The following CACNA1G variants were observed in gnomAD, a reference collection of about 807,000 sequenced individuals.
The protein encoded by CACNA1G is calcium voltage-gated channel subunit alpha1 G.
Under a neutral mutation model 219.4 loss-of-function variants are expected in CACNA1G, and 67 were observed. The ratio of observed to expected loss-of-function variants is 0.31; its 90% CI spans 0.25 to 0.37. The LOEUF is 0.37. Ranked by LOEUF, CACNA1G falls within the 10% of genes least tolerant of loss-of-function variation. CACNA1G has a pLI of 1.00. For synonymous variants in CACNA1G, 1,296 were observed against 1,345.3 expected, an observed-to-expected ratio of 0.96 and a Z score of 0.80; for missense variants, 2,380 against 3,231.4, an observed-to-expected ratio of 0.74 and a Z score of 6.39.
Position 50,596,410 on chromosome 17 carries a change from G to A in CACNA1G, c.2980-152G>A, listed in dbSNP as rs578013558. ...GGAAGCCTCGGGCCCCAAGCCTGGG[G>A]GGTCTGGCCTGCGCCGTGCATGTCT... On this transcript the variant is annotated intron_variant, in intron 14 of 37. Coordinates refer to ENST00000359106, the MANE Select transcript of CACNA1G (RefSeq NM_018896.5). The surrounding 1 kb of genome is among the most constrained non-coding windows in gnomAD (Gnocchi z 4.8). 6.6e-6 allele frequency among the ~76,000 whole-genome samples: 1 copy of A among 152,278 alleles called. No homozygotes were observed. The highest frequency in any genetic ancestry group is 1.9e-4 in the East Asian group (1 of 5,176).
Position 50,607,845 on chromosome 17 carries a change from C to T in CACNA1G, c.4531C>T (p.Pro1511Ser), listed in dbSNP as rs763758289. Residue 1511 changes from proline to serine, a missense_variant, in exon 25 of 38, where the codon CCC (proline) becomes TCC (serine). Physicochemically the swap from Pro to Ser is moderately conservative, Grantham distance 74. Coordinates refer to ENST00000359106, the MANE Select transcript of CACNA1G (RefSeq NM_018896.5). ...CCGCCAGCCCATCATGAACCACAAC[C>T]CCTGGATGCTGCTGTACTTCATCTC... ...VDQQPIMNHN[P>S]WMLLYFISFL... The T allele has an allele frequency of 1.9e-6, 3 of 1,613,858 alleles. No homozygotes were observed. The highest frequency in any genetic ancestry group is 2.5e-6 in the Non-Finnish European group (3 of 1,179,880).
rs201569320 is a variant in CACNA1G, at chr17:50,578,283, G to T, written c.2020G>T (p.Gly674Trp). The T allele has an allele frequency of 1.9e-6, 3 of 1,613,028 alleles. No individual in the cohort carries two copies. Among genetic ancestry groups the T allele is most frequent in the Non-Finnish European group, 1.7e-6 (2 of 1,179,792 alleles). Residue 674 changes from glycine to tryptophan, a missense_variant, in exon 9 of 38, where the codon GGG (glycine) becomes TGG (tryptophan). By Grantham distance (184) the Gly-to-Trp change is radical. Transcript: ENST00000359106. The surrounding 1 kb of genome is among the most constrained non-coding windows in gnomAD (Gnocchi z 4.5). The stretch of plus-strand genomic sequence containing the variant: ...CAGCTGCCCCTACTGTGCCCGGGCC[G>T]GGGCAGGGGAGGTGGAGCTCGCCGA... ...PDSCPYCARA[G>W]AGEVELADRE... is the part of the protein sequence containing the mutation.
At chr17:50,576,441 C>A in intron 8 of CACNA1G, 115 bp downstream of exon 8, 1 of 1,036,736 alleles carries the variant, frequency 9.6e-7, no homozygotes, top group Non-Finnish European at 1.4e-6. Context: ...CTCATGCTGC[C>A]TCTCATGGCT....
At position 50,626,870 on chromosome 17, in the gene CACNA1G, C is replaced by G; in HGVS notation, c.*119C>G. ...ACACCAAGGAGGCGGAGGCGCTCCTCCCTGCCTCAGTGGCTCTGGGTACCT... is the reference window on the plus strand; with the variant it reads ...ACACCAAGGAGGCGGAGGCGCTCCTGCCTGCCTCAGTGGCTCTGGGTACCT... On this transcript the variant is annotated 3_prime_UTR_variant, in exon 38 of 38. Transcript: ENST00000359106. This position sits in a 1 kb window ranked among gnomAD's most constrained non-coding sequence, Gnocchi z 4.3. 2 of 1,313,038 alleles carry G rather than the reference C, an allele frequency of 1.5e-6. No homozygotes were observed. The highest frequency in any genetic ancestry group is 2.2e-6 in the Non-Finnish European group (2 of 910,574). 81.3% of individuals were successfully genotyped at this position (1,313,038 alleles called of 1,614,324 possible). A position where few individuals can be genotyped will look rare whatever the true frequency, so the allele number is the denominator to read the frequency against.
Position 50,618,130 on chromosome 17 carries a change from A to G in CACNA1G, c.5305+4A>G, listed in dbSNP as rs760901177. The G allele has an allele frequency of 3.1e-6, 5 of 1,613,634 alleles. No homozygotes were observed. The highest frequency in any genetic ancestry group is 4.2e-6 in the Non-Finnish European group (5 of 1,179,772). Reference sequence around the variant, plus strand: ...GTGGAGCTCTTTGGAGACCTGGGTGAGTTGGGGTAGGGGAGGGTGGAGGAG... The same window carrying G: ...GTGGAGCTCTTTGGAGACCTGGGTGGGTTGGGGTAGGGGAGGGTGGAGGAG... On this transcript the variant is annotated splice_donor_region_variant and intron_variant, in intron 31 of 37. Transcript: ENST00000359106. This position sits in a 1 kb window ranked among gnomAD's most constrained non-coding sequence, Gnocchi z 5.3.
chr17:50,592,145 T>C lies in CACNA1G; in HGVS notation c.2910+53T>C, dbSNP rs919743089. The C allele has an allele frequency of 2.7e-5, 42 of 1,547,186 alleles. No individual in the cohort carries two copies. The African/African-American group carries it at 3.3e-4, about 12-fold the overall frequency. On this transcript the variant is annotated intron_variant, in intron 13 of 37. Transcript: ENST00000359106. ...CTGCCCACAGCAGTCCCACTTCCAA[T>C]TGGCTGCCTGTCTTGAGCCTCCTCC...
intron 16 of CACNA1G, among the ~76,000 whole-genome samples, chr17:50,599,120 C>T (rs2046119770): frequency 1.3e-5 from 2 of 152,192 alleles, no homozygotes; most frequent in Admixed American, 6.5e-5. Flanking sequence ...TTCTTCACCC[C>T]ATTATATATA....
At chr17:50,580,267 G>A (rs945742063) in intron 9 of CACNA1G, among the ~76,000 whole-genome samples, 2 of 152,172 alleles carry the variant, frequency 1.3e-5, no homozygotes, top group Non-Finnish European at 2.9e-5. Flanking sequence ...TGGTGGCAGT[G>A]GGGGGTGGGC....
At chr17:50,608,061 T>A in intron 25 of CACNA1G, 42 bp downstream of exon 25, 1 of 1,550,390 alleles carries the variant, frequency 6.4e-7, no homozygotes, top group Non-Finnish European at 8.8e-7. Flanking sequence ...TTTCCACCTC[T>A]CTCTGGGTCG....
In CACNA1G at chr17:50,617,791, C is replaced by T; in HGVS notation, c.5156-68C>T. 1 of 1,571,714 alleles carries T rather than the reference C, an allele frequency of 6.4e-7. No homozygotes were observed. Among genetic ancestry groups the T allele is most frequent in the Non-Finnish European group, 8.7e-7 (1 of 1,148,220 alleles). ...CCAGCAGCCCCAGCCCAGCCCTGGT[C>T]CTGACTCTGCCAGCTGTCTGGCCGG... On this transcript the variant is annotated intron_variant, in intron 29 of 37. Coordinates refer to ENST00000359106, the MANE Select transcript of CACNA1G (RefSeq NM_018896.5). This position sits in a 1 kb window ranked among gnomAD's most constrained non-coding sequence, Gnocchi z 5.8.
Position 50,575,971 on chromosome 17 carries a change from C to G in CACNA1G, c.1569C>G (p.Asp523Glu), listed in dbSNP as rs1290398685. ...CCCGGGCCAGCCCGGAGATCCAGGA[C>G]AGGGATGCCAATGGGTCCCGCCGGC... is the stretch of plus-strand genomic sequence containing the variant. The part of the protein sequence containing the change: ...RAPRASPEIQ[D>E]RDANGSRRLM... The change falls in exon 8 of 38, where the codon GAC becomes GAG. Residue 523 changes from aspartate (D) to glutamate (E), a missense_variant. Physicochemically the swap from Asp to Glu is conservative, Grantham distance 45. This residue lies in a region of CACNA1G where 434 missense variants were observed against 417.3 expected (regional missense o/e 1.04). Coordinates refer to ENST00000359106, the MANE Select transcript of CACNA1G (RefSeq NM_018896.5). 2 of 1,552,284 alleles carry G rather than the reference C, an allele frequency of 1.3e-6. No individual in the cohort carries two copies. Among genetic ancestry groups the G allele is most frequent in the Non-Finnish European group, 1.7e-6 (2 of 1,148,198 alleles).
intron 37 of CACNA1G, among the ~76,000 whole-genome samples, chr17:50,625,212 A>G (rs953033932): frequency 6.6e-6 from 1 of 152,180 alleles, no homozygotes; most frequent in Admixed American, 6.5e-5. Flanking sequence ...TCGGCCACCC[A>G]AAGTGCCGGG....
At chr17:50,608,860 G>A (rs781264599) in intron 25 of CACNA1G, among the ~76,000 whole-genome samples, 3 of 152,114 alleles carry the variant, frequency 2.0e-5, no homozygotes, top group Non-Finnish European at 2.9e-5. Context: ...CCTCTCTCCC[G>A]GGCTCCAGGG....
chr17:50,610,021 G>T, intron 26 of CACNA1G, 86 bp downstream of exon 26: 1 of 1,376,012 alleles, frequency 7.3e-7, no homozygotes, highest in Non-Finnish European at 1.0e-6. Context: ...TCCTCTTGGG[G>T]TGAAAGGGTG....
chr17:50,596,702 C>T lies in CACNA1G; in HGVS notation c.3065-28C>T, dbSNP rs200428334. ...GCCCTGGGCCAGCCCTGTGTGGACT[C>T]GGGATCTCTCCCTCTCTCCCCGTGC... On this transcript the variant is annotated intron_variant, in intron 15 of 37. Coordinates refer to ENST00000359106, the MANE Select transcript of CACNA1G (RefSeq NM_018896.5). The surrounding 1 kb of genome is among the most constrained non-coding windows in gnomAD (Gnocchi z 4.8). 2.2e-5 allele frequency: 36 copies of T among 1,612,780 alleles called. No homozygotes were observed. The Admixed American group carries it at 3.2e-4, about 14-fold the overall frequency.
chr17:50,569,572 A>C (rs2144651149), intron 3 of CACNA1G, 134 bp from the exon 4 acceptor site: 1 of 700,170 alleles, frequency 1.4e-6, no homozygotes, highest in East Asian at 2.7e-5. Context: ...CCGGATCTTC[A>C]GGGTCCCTTG....
chr17:50,619,888 C>T, intron 34 of CACNA1G, 62 bp downstream of exon 34: 1 of 1,483,022 alleles, frequency 6.7e-7, no homozygotes, highest in Non-Finnish European at 9.0e-7. Flanking sequence ...CACGCTGTGC[C>T]ATGCTTCTGG....
Position 50,623,921 on chromosome 17 carries a change from C to G in CACNA1G, c.6075C>G (p.Pro2025=). Reference sequence around the variant, plus strand: ...TCCTTTTGCAGATGCAGCCCCACCCCACGGAGCTGCCAGGACCAGACTTAC... The same window carrying G: ...TCCTTTTGCAGATGCAGCCCCACCCGACGGAGCTGCCAGGACCAGACTTAC... The part of the protein sequence containing the change: ...SALESNMQPH[P]TELPGPDLLT... Residue 2025 remains proline, a synonymous_variant, in exon 36 of 38, where the codon CCC becomes CCG. Coordinates refer to ENST00000359106, the MANE Select transcript of CACNA1G (RefSeq NM_018896.5). 6.2e-7 allele frequency: 1 copy of G among 1,610,506 alleles called. No homozygotes were observed. The highest frequency in any genetic ancestry group is 8.5e-7 in the Non-Finnish European group (1 of 1,177,576).
At chr17:50,622,625 G>A (rs1190414052) in intron 35 of CACNA1G, among the ~76,000 whole-genome samples, 1 of 152,140 alleles carries the variant, frequency 6.6e-6, no homozygotes, top group Non-Finnish European at 1.5e-5. Context: ...GGGCCTGCAT[G>A]GCGACAGGGC....
Sources: allele counts gnomAD v4.1 joint callset (sites outside exome capture counted in the v4.1 genomes callset), GRCh38; gene constraint gnomAD v4.1.1; regional missense constraint gnomAD v4.1.1; non-coding constraint Gnocchi (gnomAD v3.1); transcripts MANE v1.5; gene names NCBI Gene and HGNC (gene_info 2026-07-23, HGNC 2026-07-21).